The following ZNF93 variants were observed in gnomAD, a reference collection of about 807,000 sequenced individuals.
ZNF93 encodes the protein zinc finger protein 505.
ZNF93 carries 29 observed loss-of-function variants against 45.0 expected under a neutral mutation model. The observed-to-expected ratio is 0.64, with a 90% confidence interval of 0.48 to 0.88. ZNF93 has a LOEUF of 0.88. Ranked by LOEUF, ZNF93 falls within the 40% of genes least tolerant of loss-of-function variation. The pLI is 0.00. For missense variants in ZNF93, 578 were observed against 724.0 expected (o/e 0.80, Z 2.31); for synonymous variants, 223 against 244.6 (o/e 0.91, Z 0.82).
In ZNF93 at chr19:19,916,591, C is replaced by G. The variant is rs1163219691; in HGVS notation, c.162C>G (p.Ala54=). Reference sequence around the variant, plus strand: ...TTGTCTCTAAGCCAGACCTGATCGCCCATCTGGAGCAAGGAAAAAAACCTT... The same window carrying G: ...TTGTCTCTAAGCCAGACCTGATCGCGCATCTGGAGCAAGGAAAAAAACCTT... ...GIVVSKPDLI[A]HLEQGKKPLT... is the part of the protein sequence containing the mutation. Residue 54 remains alanine, a synonymous_variant, in exon 3 of 4, where the codon GCC becomes GCG. Transcript: ENST00000343769. 1.2e-6 allele frequency: 2 copies of G among 1,611,834 alleles called. No homozygotes were observed. The highest frequency in any genetic ancestry group is 4.5e-5 in the East Asian group (2 of 44,822).
intron 1 of ZNF93, chr19:19,908,981 T>TTTGAAGATA (rs753830783): frequency 1.3e-5 from 2 of 152,964 alleles, no homozygotes; most frequent in Non-Finnish European, 2.9e-5. Flanking sequence ...AGTGAGAACT[T>TTTGAAGATA]TTGAAGATAT....
chr19:19,913,413 A>G (rs1197922598), intron 1 of ZNF93, among the ~76,000 whole-genome samples: 4 of 152,108 alleles, frequency 2.6e-5, no homozygotes, highest in Admixed American at 6.6e-5. Flanking sequence ...CTCTAAGGTG[A>G]TTCCAGAATC....
At chr19:19,923,348 A>T (rs1235521573) in intron 3 of ZNF93, among the ~76,000 whole-genome samples, 1 of 152,086 alleles carries the variant, frequency 6.6e-6, no homozygotes, top group Non-Finnish European at 1.5e-5. Context: ...ATCTGCTCCT[A>T]CTTGGGGGTG....
intron 1 of ZNF93, chr19:19,908,688 C>G (rs1053619990): frequency 2.6e-5 from 4 of 151,616 alleles, no homozygotes; most frequent in Admixed American, 6.6e-5. Flanking sequence ...ACTAAAAATA[C>G]AAAAATTAGC....
rs532747046 is a variant in ZNF93 at position 19,901,907 on chromosome 19, T to G, written c.3+816T>G. Among the ~76,000 whole-genome samples the G allele has an allele frequency of 2.1e-3, 312 of 152,152 alleles. 1 individual carries two copies. The highest frequency in any genetic ancestry group is 7.3e-3 in the African/African-American group (303 of 41,526). ...GAGTTCTAGGCCAGCCTGGCCAACA[T>G]AGTGAAACCCCGTCTCTACTAAAAA... On this transcript the variant is annotated intron_variant, in intron 1 of 3. Coordinates refer to ENST00000343769, the MANE Select transcript of ZNF93 (RefSeq NM_031218.4).
intron 3 of ZNF93, among the ~76,000 whole-genome samples, chr19:19,919,683 G>A (rs2063337234): frequency 6.6e-6 from 1 of 152,102 alleles, no homozygotes; most frequent in South Asian, 2.1e-4. Context: ...CTTTTAAGTT[G>A]GATTCCTAGG....
chr19:19,932,075 A>G (rs1197577964), intron 3 of ZNF93: 3 of 305,700 alleles, frequency 9.8e-6, no homozygotes, highest in South Asian at 7.6e-5. Flanking sequence ...GGAGATCGAG[A>G]CCATCTGGCC....
intron 3 of ZNF93, among the ~76,000 whole-genome samples, chr19:19,927,553 A>T (rs746255030): frequency 6.6e-6 from 1 of 152,212 alleles, no homozygotes; most frequent in African/African-American, 2.4e-5. Context: ...AAGATATCTC[A>T]TAAGTGGAAT....
chr19:19,927,992 C>A (rs970330175), intron 3 of ZNF93, among the ~76,000 whole-genome samples: 1 of 152,174 alleles, frequency 6.6e-6, no homozygotes, highest in East Asian at 1.9e-4. Context: ...AGGTATCTGC[C>A]AACCTCACCC....
intron 3 of ZNF93, among the ~76,000 whole-genome samples, chr19:19,928,310 A>G (rs1425685774): frequency 6.6e-6 from 1 of 152,144 alleles, no homozygotes; most frequent in Non-Finnish European, 1.5e-5. Flanking sequence ...TGTTTGTGTC[A>G]GTATCATATT....
chr19:19,910,080 T>C (rs201212563), intron 1 of ZNF93, among the ~76,000 whole-genome samples: 1 of 110,146 alleles, frequency 9.1e-6, no homozygotes, highest in Admixed American at 9.4e-5. Flanking sequence ...TGAGTAGACA[T>C]AGAGACATGA....
chr19:19,933,469 C>A lies in ZNF93; in HGVS notation c.514C>A (p.Pro172Thr), dbSNP rs759821672. 11 of 1,603,892 alleles carry A rather than the reference C, an allele frequency of 6.9e-6. No homozygotes were observed. Among genetic ancestry groups the A allele is most frequent in the Non-Finnish European group, 9.3e-6 (11 of 1,177,104 alleles). ...TAATATAAGACATACTGAAAAAAAACCTTTCAAATGCATAGAATGTGGCAA... is the reference window on the plus strand; with the variant it reads ...TAATATAAGACATACTGAAAAAAAAACTTTCAAATGCATAGAATGTGGCAA... ...RHNIRHTEKK[P>T]FKCIECGKAF... The change falls in exon 4 of 4, where the codon CCT (proline) becomes ACT (threonine). Residue 172 changes from proline (P) to threonine (T), a missense_variant. This residue lies in a region of ZNF93 where 446 missense variants were observed against 547.6 expected (regional missense o/e 0.81). Coordinates refer to ENST00000343769, the MANE Select transcript of ZNF93 (RefSeq NM_031218.4).
chr19:19,925,739 A>AT (rs147087912), intron 3 of ZNF93, among the ~76,000 whole-genome samples: 7,267 of 152,244 alleles, frequency 0.048, 348 homozygotes, highest in East Asian at 0.17. Flanking sequence ...TATCTAAATA[A>AT]TAATATACTT....
chr19:19,908,065 T>C (rs1006094424), intron 1 of ZNF93, among the ~76,000 whole-genome samples: 1 of 152,216 alleles, frequency 6.6e-6, no homozygotes, highest in African/African-American at 2.4e-5. Flanking sequence ...TAGTCTGACA[T>C]GTTTGTTACT....
intron 3 of ZNF93, 143 bp from the exon 4 acceptor site, chr19:19,933,039 A>T: frequency 1.6e-6 from 1 of 626,998 alleles, no homozygotes; most frequent in African/African-American, 1.9e-5. Context: ...TTACATTTAT[A>T]TGTTCAGGAA....
At chr19:19,902,323 A>G (rs193191495) in intron 1 of ZNF93, among the ~76,000 whole-genome samples, 1 of 152,174 alleles carries the variant, frequency 6.6e-6, no homozygotes, top group African/African-American at 2.4e-5. Flanking sequence ...CAGTGGCGCA[A>G]TCATGGCTCA....
Position 19,933,497 on chromosome 19 carries a change from CT to C in ZNF93, c.546del (p.Phe182LeufsTer8), listed in dbSNP as rs1051800489. On this transcript the variant is annotated frameshift_variant, in exon 4 of 4. Transcript: ENST00000343769. LOFTEE classifies it high-confidence loss of function. ...KPFKCIECGK[A>X]FNQFSTLITH... ...TTCAAATGCATAGAATGTGGCAAAG[CT>C]TTTAACCAGTTCTCAACCCTTATAA... 10 of 1,607,286 alleles carry C rather than the reference CT, an allele frequency of 6.2e-6. No homozygotes were observed. Among genetic ancestry groups the C allele is most frequent in the Non-Finnish European group, 8.5e-6 (10 of 1,177,996 alleles).
At position 19,933,191 on chromosome 19, in the gene ZNF93, C is replaced by G. The variant is rs1287828709; in HGVS notation, c.236C>G (p.Ser79Cys). The change falls in exon 4 of 4, where the codon TCT becomes TGT. Residue 79 changes from serine to cysteine, a missense_variant. Physicochemically the swap from Ser to Cys is moderately radical, Grantham distance 112. Coordinates refer to ENST00000343769, the MANE Select transcript of ZNF93 (RefSeq NM_031218.4). Reference sequence around the variant, plus strand: ...TTATTGTTTCTTTCAGTTATATGTTCTCATTTTGCCCAAGATCTTTGGCCA... The same window carrying G: ...TTATTGTTTCTTTCAGTTATATGTTGTCATTTTGCCCAAGATCTTTGGCCA... ...EMVANPSVIC[S>C]HFAQDLWPEQ... The G allele has an allele frequency of 6.6e-7, 1 of 1,521,036 alleles. No individual in the cohort carries two copies. Among genetic ancestry groups the G allele is most frequent in the Non-Finnish European group, 8.8e-7 (1 of 1,134,430 alleles). 94.2% of individuals were successfully genotyped at this position (1,521,036 alleles called of 1,614,324 possible).
intron 1 of ZNF93, among the ~76,000 whole-genome samples, chr19:19,913,797 G>A (rs2063316218): frequency 1.3e-5 from 2 of 152,010 alleles, no homozygotes; most frequent in Non-Finnish European, 2.9e-5. Flanking sequence ...TCTCATCTGA[G>A]AAGAAACTCC....
Sources: allele counts gnomAD v4.1 joint callset (sites outside exome capture counted in the v4.1 genomes callset), GRCh38; gene constraint gnomAD v4.1.1; regional missense constraint gnomAD v4.1.1; transcripts MANE v1.5; gene names NCBI Gene and HGNC (gene_info 2026-07-23, HGNC 2026-07-21).